Variants in IL1RAPL2 observed in about 807,000 individuals in gnomAD.
IL1RAPL2 encodes the protein X-linked interleukin-1 receptor accessory protein-like 2.
IL1RAPL2 carries 3 observed loss-of-function variants against 44.1 expected under a neutral mutation model. The ratio of observed to expected loss-of-function variants is 0.07; its 90% confidence interval spans 0.03 to 0.18. IL1RAPL2 has a LOEUF of 0.18. Among genes scored for constraint, IL1RAPL2 ranks in the 10% least tolerant of loss-of-function variants. The pLI, the probability that IL1RAPL2 is intolerant of heterozygous loss-of-function variation, is 1.00. For missense variants in IL1RAPL2, 391 were observed against 496.4 expected, an observed-to-expected ratio of 0.79 and a Z score of 2.02; for synonymous variants, 181 against 178.8, an observed-to-expected ratio of 1.01 and a Z score of -0.10.
chrX:104,670,137 G>A (rs1173139477), intron 2 of IL1RAPL2, among the ~76,000 whole-genome samples: 3 of 111,355 alleles, frequency 2.7e-5, no homozygotes, highest in Non-Finnish European at 5.7e-5. Context: ...GCAAGCTGAG[G>A]AGGAAGTCAG....
intron 2 of IL1RAPL2, among the ~76,000 whole-genome samples, chrX:105,105,540 G>A (rs905829399): frequency 8.9e-6 from 1 of 112,318 alleles, no homozygotes; most frequent in African/African-American, 3.2e-5. Flanking sequence ...TTTACTACCC[G>A]TTGGGCTCGT....
intron 2 of IL1RAPL2, among the ~76,000 whole-genome samples, chrX:105,072,942 G>A (rs1462869292): frequency 2.7e-5 from 3 of 110,559 alleles, no homozygotes; most frequent in Non-Finnish European, 5.7e-5. Context: ...TGAGAATGAT[G>A]GTTTCCAGCT....
intron 7 of IL1RAPL2, among the ~76,000 whole-genome samples, chrX:105,730,573 T>C (rs2038397943): frequency 9.0e-6 from 1 of 111,348 alleles, no homozygotes; most frequent in African/African-American, 3.3e-5. Context: ...ATTCTTCTCA[T>C]CAGCACATCA....
intron 3 of IL1RAPL2, among the ~76,000 whole-genome samples, chrX:105,227,652 T>A (rs1281885252): frequency 8.9e-6 from 1 of 111,862 alleles, no homozygotes; most frequent in African/African-American, 3.2e-5. Context: ...TTCTAAAGGG[T>A]TGTGGGTCTT....
At chrX:105,079,361 G>A (rs1210657259) in intron 2 of IL1RAPL2, among the ~76,000 whole-genome samples, 3 of 108,763 alleles carry the variant, frequency 2.8e-5, no homozygotes, top group African/African-American at 1.0e-4. Flanking sequence ...TATAAAGACA[G>A]AGAGACACAT....
chrX:105,093,809 C>T (rs1198386790), intron 2 of IL1RAPL2, among the ~76,000 whole-genome samples: 3 of 111,840 alleles, frequency 2.7e-5, no homozygotes, highest in Non-Finnish European at 5.6e-5. Flanking sequence ...TCCAACTCCA[C>T]CGTTAACTAT....
At chrX:105,623,749 CT>C (rs2037435618) in intron 6 of IL1RAPL2, among the ~76,000 whole-genome samples, 1 of 111,564 alleles carries the variant, frequency 9.0e-6, no homozygotes, top group African/African-American at 3.3e-5. Context: ...TATTTGAGCA[CT>C]GCTAAAAATT....
chrX:104,757,630 G>T (rs1453311626), intron 2 of IL1RAPL2, among the ~76,000 whole-genome samples: 1 of 111,417 alleles, frequency 9.0e-6, no homozygotes, highest in Non-Finnish European at 1.9e-5. Context: ...TTGGGAAAAA[G>T]TGCTTATAGA....
At chrX:105,130,885 A>G (rs2033019759) in intron 2 of IL1RAPL2, among the ~76,000 whole-genome samples, 1 of 111,530 alleles carries the variant, frequency 9.0e-6, no homozygotes, top group African/African-American at 3.2e-5. Flanking sequence ...AAAGCCTGTC[A>G]TGAGTCCTCT....
At chrX:104,800,736 C>T (rs767171383) in intron 2 of IL1RAPL2, among the ~76,000 whole-genome samples, 1 of 112,719 alleles carries the variant, frequency 8.9e-6, no homozygotes, top group Non-Finnish European at 1.9e-5. Context: ...TCTGAATAGT[C>T]TGTTAATGCA....
chrX:104,648,994 C>CT (rs1207889305), intron 1 of IL1RAPL2, among the ~76,000 whole-genome samples: 4 of 111,397 alleles, frequency 3.6e-5, no homozygotes, highest in African/African-American at 9.8e-5. Flanking sequence ...TCATCACTCA[C>CT]TATTCCTCTT....
chrX:105,209,126 C>A (rs1273568881), intron 3 of IL1RAPL2, among the ~76,000 whole-genome samples: 1 of 111,893 alleles, frequency 8.9e-6, no homozygotes, highest in African/African-American at 3.2e-5. Context: ...CAGCAGGGTA[C>A]AAAGTCACAG....
At chrX:104,830,422 G>A in intron 2 of IL1RAPL2, among the ~76,000 whole-genome samples, 1 of 111,566 alleles carries the variant, frequency 9.0e-6, no homozygotes, top group Non-Finnish European at 1.9e-5. Flanking sequence ...TATCTTACTA[G>A]GTGACAGCAG....
chrX:105,321,099 G>A (rs1213562462), intron 5 of IL1RAPL2, among the ~76,000 whole-genome samples: 1 of 111,667 alleles, frequency 9.0e-6, no homozygotes, highest in Admixed American at 9.5e-5. Context: ...GGGCATCTGT[G>A]CTGGGGTGTA....
intron 5 of IL1RAPL2, among the ~76,000 whole-genome samples, chrX:105,325,480 G>T (rs1302782526): frequency 2.0e-5 from 2 of 102,209 alleles, no homozygotes; most frequent in Non-Finnish European, 3.9e-5. Context: ...AAATAATATT[G>T]CTGTGAACAT....
rs1285152005 is a variant in IL1RAPL2, at chrX:105,697,538, C to A, written c.773-19829C>A. On this transcript the variant is annotated intron_variant, in intron 6 of 10. Transcript: ENST00000372582. ...GATTGACCCTTTTGTTTATATGATG[C>A]CAGCTGACTGCTTGGGAACTATAGC... Among the ~76,000 whole-genome samples the A allele has an allele frequency of 9.1e-5, 10 of 110,263 alleles. No individual in the cohort carries two copies. In the Admixed American group the frequency reaches 9.8e-4, roughly 11 times the overall value.
At chrX:104,594,491 A>G (rs1015824842) in intron 1 of IL1RAPL2, among the ~76,000 whole-genome samples, 1 of 111,661 alleles carries the variant, frequency 9.0e-6, no homozygotes, top group Non-Finnish European at 1.9e-5. Flanking sequence ...GACCCAACAC[A>G]CTAAAAGGGG....
At chrX:104,615,435 G>T (rs893553656) in intron 1 of IL1RAPL2, among the ~76,000 whole-genome samples, 5 of 101,424 alleles carry the variant, frequency 4.9e-5, no homozygotes, top group Non-Finnish European at 9.9e-5. Flanking sequence ...GTGTCCACGT[G>T]TTCTCATTGT....
intron 2 of IL1RAPL2, among the ~76,000 whole-genome samples, chrX:105,036,322 C>G (rs1421672535): frequency 9.0e-6 from 1 of 111,522 alleles, no homozygotes; most frequent in Non-Finnish European, 1.9e-5. Context: ...TTTATTTAAT[C>G]AAGATCATAC....
Sources: allele counts gnomAD v4.1 joint callset (sites outside exome capture counted in the v4.1 genomes callset), GRCh38; gene constraint gnomAD v4.1.1; transcripts MANE v1.5; gene names NCBI Gene and HGNC (gene_info 2026-07-23, HGNC 2026-07-21).